Variants in DNAH14 observed in about 807,000 individuals in gnomAD.
The protein encoded by DNAH14 is axonemal beta dynein heavy chain 14.
DNAH14 carries 478 observed loss-of-function variants against 520.9 expected under a neutral mutation model. The ratio of observed to expected loss-of-function variants is 0.92; its 90% CI spans 0.85 to 0.99. DNAH14 has a LOEUF of 0.99. Ranked by LOEUF, DNAH14 falls within the 50% of genes least tolerant of loss-of-function variation. DNAH14 has a pLI of 0.00. For missense variants in DNAH14, 4,831 were observed against 5,234.5 expected, an observed-to-expected ratio of 0.92 and a Z score of 2.38; for synonymous variants, 1,581 against 1,757.2, an observed-to-expected ratio of 0.90 and a Z score of 2.51.
At position 225,105,051 on chromosome 1, in the gene DNAH14, C is replaced by T. The variant is rs185283965; in HGVS notation, c.3867+4167C>T. Among the ~76,000 whole-genome samples the T allele has an allele frequency of 2.1e-3, 323 of 152,312 alleles. 7 individuals are homozygous for T. The highest frequency in any genetic ancestry group is 0.019 in the East Asian group (98 of 5,180). On this transcript the variant is annotated intron_variant, in intron 23 of 85. Coordinates refer to ENST00000682510, the MANE Select transcript of DNAH14 (RefSeq NM_001367479.1). ...GCTATAAATTTCCCTCGACACACTGCTTTGAATGTGTCCCATAGATTCTGG... is the reference window on the plus strand; with the variant it reads ...GCTATAAATTTCCCTCGACACACTGTTTTGAATGTGTCCCATAGATTCTGG...
At chr1:225,034,658 C>G (rs1250024265) in intron 11 of DNAH14, among the ~76,000 whole-genome samples, 1 of 152,016 alleles carries the variant, frequency 6.6e-6, no homozygotes, top group Admixed American at 6.6e-5. Context: ...ATGGTACTAG[C>G]TCTTCTTGGT....
intron 21 of DNAH14, among the ~76,000 whole-genome samples, chr1:225,088,036 C>A (rs2073993581): frequency 6.6e-6 from 1 of 152,122 alleles, no homozygotes; most frequent in African/African-American, 2.4e-5. Flanking sequence ...ATCTTAAAAG[C>A]AAGACCTAAA....
At chr1:225,268,023 T>A (rs1334802766) in intron 49 of DNAH14, among the ~76,000 whole-genome samples, 1 of 152,096 alleles carries the variant, frequency 6.6e-6, no homozygotes, top group Non-Finnish European at 1.5e-5. Flanking sequence ...GCTGTGGCCT[T>A]GAGCCTGGGT....
intron 59 of DNAH14, among the ~76,000 whole-genome samples, chr1:225,307,911 A>G (rs1271610162): frequency 6.6e-6 from 1 of 152,226 alleles, no homozygotes; most frequent in Non-Finnish European, 1.5e-5. Context: ...CAGTCTATCA[A>G]CTATTCTAAA....
chr1:225,374,145 C>CTATATATATATATATATA (rs71170080), intron 77 of DNAH14, among the ~76,000 whole-genome samples: 400 of 32,912 alleles, frequency 0.012, 28 homozygotes, highest in African/African-American at 0.013. Flanking sequence ...TTGTGTCTTA[C>CTATATATATATATATATA]TATATATATA....
intron 75 of DNAH14, among the ~76,000 whole-genome samples, chr1:225,361,516 G>GT (rs1363136910): frequency 2.0e-5 from 3 of 152,088 alleles, no homozygotes; most frequent in Admixed American, 1.3e-4. Context: ...TCCAGCCTTG[G>GT]TTTTCTTTCT....
chr1:225,283,443 A>G (rs1166443533), intron 54 of DNAH14, among the ~76,000 whole-genome samples: 2 of 51,604 alleles, frequency 3.9e-5, no homozygotes, highest in African/African-American at 5.6e-5. Context: ...ACCAAAAAGA[A>G]AAAAAAAAAA....
intron 17 of DNAH14, among the ~76,000 whole-genome samples, chr1:225,063,673 A>C (rs2456334): frequency 6.6e-6 from 1 of 151,952 alleles, no homozygotes; most frequent in African/African-American, 2.4e-5. Flanking sequence ...GTGATCTATC[A>C]TATGTGTAAT....
At chr1:225,288,749 A>G (rs936948380) in intron 54 of DNAH14, among the ~76,000 whole-genome samples, 9 of 152,178 alleles carry the variant, frequency 5.9e-5, no homozygotes, top group African/African-American at 2.2e-4. Flanking sequence ...GGAAATGCAA[A>G]TTAAAACCAC....
In DNAH14 at chr1:225,158,680, T is replaced by C. The variant is rs1323473070; in HGVS notation, c.5274-634T>C. Among the ~76,000 whole-genome samples, 3 of 152,210 alleles carry C rather than the reference T, an allele frequency of 2.0e-5. 1 individual carries two copies. The highest frequency in any genetic ancestry group is 7.2e-5 in the African/African-American group (3 of 41,460). On this transcript the variant is annotated intron_variant, in intron 34 of 85. Coordinates refer to ENST00000682510, the MANE Select transcript of DNAH14 (RefSeq NM_001367479.1). ...GTAACTGTGGCTTTGACACACAACC[T>C]TGGCAAGTCAGACACAGCTGCATTA...
intron 41 of DNAH14, among the ~76,000 whole-genome samples, chr1:225,223,218 G>A (rs550502858): frequency 2.6e-4 from 40 of 152,206 alleles, no homozygotes; most frequent in Admixed American, 7.9e-4. Flanking sequence ...ATGCAAGATC[G>A]ACAAAACAAT....
chr1:225,277,322 T>C (rs1022300422), intron 53 of DNAH14, 88 bp from the exon 54 acceptor site: 13 of 408,898 alleles, frequency 3.2e-5, no homozygotes, highest in Non-Finnish European at 6.7e-5. Context: ...TATTCTCCTT[T>C]CTGTAAGTAA....
chr1:225,257,342 A>T (rs1353418975), intron 44 of DNAH14, among the ~76,000 whole-genome samples: 3 of 152,164 alleles, frequency 2.0e-5, no homozygotes, highest in South Asian at 4.1e-4. Flanking sequence ...AGTGGAAATG[A>T]TTGCTTCTCC....
chr1:225,224,787 G>A (rs925536703), intron 41 of DNAH14, among the ~76,000 whole-genome samples: 2 of 152,170 alleles, frequency 1.3e-5, no homozygotes, highest in Non-Finnish European at 2.9e-5. Flanking sequence ...TCAGAGAGCC[G>A]AGGTTGGAGC....
intron 3 of DNAH14, among the ~76,000 whole-genome samples, chr1:224,958,310 C>G (rs1483111215): frequency 1.3e-5 from 2 of 152,044 alleles, no homozygotes; most frequent in Non-Finnish European, 2.9e-5. Context: ...GTTCAGGATC[C>G]ATTTGTGGTT....
At chr1:225,071,999 T>G (rs1316634780) in intron 17 of DNAH14, among the ~76,000 whole-genome samples, 2 of 152,180 alleles carry the variant, frequency 1.3e-5, no homozygotes, top group Non-Finnish European at 2.9e-5. Flanking sequence ...CATTTTGACC[T>G]TGAAGAATCT....
At position 225,246,155 on chromosome 1, in the gene DNAH14, T is replaced by C. The variant is rs540734231; in HGVS notation, c.6748+5333T>C. ...AGGATTCCCTATTTAATAAATGGTG[T>C]TGGGAAAACTGGCTAGCCATATGCA... On this transcript the variant is annotated intron_variant, in intron 43 of 85. Transcript: ENST00000682510. 2.0e-3 allele frequency among the ~76,000 whole-genome samples: 303 copies of C among 148,114 alleles called. 5 individuals are homozygous for C. The highest frequency in any genetic ancestry group is 7.2e-3 in the African/African-American group (290 of 40,418).
chr1:225,343,640 GA>G (rs1429538335), intron 69 of DNAH14, among the ~76,000 whole-genome samples: 1 of 152,094 alleles, frequency 6.6e-6, no homozygotes, highest in Non-Finnish European at 1.5e-5. Context: ...TTTTTATTAT[GA>G]AATTTTAAAT....
intron 58 of DNAH14, among the ~76,000 whole-genome samples, chr1:225,306,472 T>C (rs1182211641): frequency 2.0e-5 from 3 of 152,074 alleles, no homozygotes; most frequent in African/African-American, 7.2e-5. Context: ...TCTGAGAAAA[T>C]TGGCCAGATG....
Sources: allele counts gnomAD v4.1 joint callset (sites outside exome capture counted in the v4.1 genomes callset), GRCh38; gene constraint gnomAD v4.1.1; transcripts MANE v1.5; gene names NCBI Gene and HGNC (gene_info 2026-07-23, HGNC 2026-07-21).